Variants in NET1 observed in about 807,000 individuals in gnomAD.
The protein encoded by NET1 is neuroepithelial cell-transforming gene 1 protein.
A neutral mutation model predicts 61.1 loss-of-function variants in NET1; 42 were observed. That is an observed-to-expected ratio of 0.69 (90% CI 0.54 to 0.89). NET1 has a LOEUF of 0.89. Among genes scored for constraint, NET1 ranks in the 40% least tolerant of loss-of-function variants. The pLI is 0.00. For missense variants in NET1, 654 were observed against 747.3 expected (o/e 0.88, Z 1.46); for synonymous variants, 254 against 281.8 (o/e 0.90, Z 0.99).
chr10:5,429,820 A>T (rs1832320873), intron 3 of NET1, among the ~76,000 whole-genome samples: 1 of 152,198 alleles, frequency 6.6e-6, no homozygotes, highest in East Asian at 1.9e-4. Flanking sequence ...GGAATTACTA[A>T]CATCATTTTT....
rs371604395 is a variant in NET1 at position 5,455,117 on chromosome 10, A to T, written c.1196A>T (p.His399Leu). Residue 399 changes from histidine to leucine, a missense_variant and splice_region_variant, in exon 10 of 12, where the codon CAT becomes CTT. Coordinates refer to ENST00000355029, the MANE Select transcript of NET1 (RefSeq NM_001047160.3). The surrounding 1 kb of genome is among the most constrained non-coding windows in gnomAD (Gnocchi z 6.5). The stretch of plus-strand genomic sequence containing the variant: ...GGGGAGCTGCGGAGCAAGAGTGGAC[A>T]TGTAGGTGACTTTTGCTGCCGTGGC... Reference protein sequence around the residue: ...CHGELRSKSGHKLYIFLFQDI... With the variant: ...CHGELRSKSGLKLYIFLFQDI... 4.7e-5 allele frequency: 76 copies of T among 1,612,852 alleles called. No homozygotes were observed. Among genetic ancestry groups the T allele is most frequent in the Non-Finnish European group, 6.1e-5 (72 of 1,179,866 alleles).
intron 3 of NET1, among the ~76,000 whole-genome samples, chr10:5,436,487 C>T (rs773271058): frequency 5.3e-5 from 8 of 150,670 alleles, no homozygotes; most frequent in Non-Finnish European, 8.9e-5. Context: ...CCACCTGCCT[C>T]GGCCTCCCAA....
chr10:5,446,675 G>A lies in NET1; in HGVS notation c.256-5155G>A. ...GCTGCCGAGGGTGGCCGAGCTCTGG[G>A]AAGAAAAGCCCGTGTGCCTCTGCAT... On this transcript the variant is annotated intron_variant, in intron 3 of 11. Coordinates refer to ENST00000355029, the MANE Select transcript of NET1 (RefSeq NM_001047160.3). This position sits in a 1 kb window ranked among gnomAD's most constrained non-coding sequence, Gnocchi z 5.0. The A allele has an allele frequency of 5.2e-6, 7 of 1,356,686 alleles. No homozygotes were observed. Among genetic ancestry groups the A allele is most frequent in the East Asian group, 2.7e-5 (1 of 36,542 alleles). The allele number at this position is 1,356,686 out of a possible 1,614,324, so 84.0% of individuals were successfully genotyped here.
chr10:5,456,417 C>A lies in NET1; in HGVS notation c.1384+144C>A. 1 of 1,025,478 alleles carries A rather than the reference C, an allele frequency of 9.8e-7. No homozygotes were observed. The highest frequency in any genetic ancestry group is 1.4e-6 in the Non-Finnish European group (1 of 721,526). 63.5% of individuals were successfully genotyped at this position (1,025,478 alleles called of 1,614,324 possible). On this transcript the variant is annotated intron_variant, in intron 11 of 11. Coordinates refer to ENST00000355029, the MANE Select transcript of NET1 (RefSeq NM_001047160.3). This position sits in a 1 kb window ranked among gnomAD's most constrained non-coding sequence, Gnocchi z 7.0. Reference sequence around the variant, plus strand: ...CATTGAGTTGTCCAGGCCTTCCCAGCTCGAACACCCGCAGGTGTATCTAAG... The same window carrying A: ...CATTGAGTTGTCCAGGCCTTCCCAGATCGAACACCCGCAGGTGTATCTAAG...
rs1473222774 is a variant in NET1, at chr10:5,439,765, T to C, written c.255+10536T>C. On this transcript the variant is annotated intron_variant, in intron 3 of 11. Coordinates refer to ENST00000355029, the MANE Select transcript of NET1 (RefSeq NM_001047160.3). This position sits in a 1 kb window ranked among gnomAD's most constrained non-coding sequence, Gnocchi z 4.8. ...CCTTGCCAGAGCATCACACAGCATC[T>C]TTGTCTACCATAAATACCCAACCTT... 1.3e-5 allele frequency among the ~76,000 whole-genome samples: 2 copies of C among 152,242 alleles called. No individual in the cohort carries two copies. Among genetic ancestry groups the C allele is most frequent in the Non-Finnish European group, 2.9e-5 (2 of 68,048 alleles).
chr10:5,433,973 CCA>C (rs1832387001), intron 3 of NET1, among the ~76,000 whole-genome samples: 6 of 152,004 alleles, frequency 3.9e-5, no homozygotes, highest in Admixed American at 2.6e-4. Flanking sequence ...AATTCCTTCT[CCA>C]GTCACCTAAT....
At position 5,452,161 on chromosome 10, in the gene NET1, A is replaced by G. The variant is rs1000400325; in HGVS notation, c.364-197A>G. Among the ~76,000 whole-genome samples the G allele has an allele frequency of 1.5e-4, 23 of 152,214 alleles. No homozygotes were observed. The highest frequency in any genetic ancestry group is 5.5e-4 in the African/African-American group (23 of 41,456). ...CATCTTATAATGCATAGTCTTGGCTAGTTTTTATTCCCAAAAATGTAATTT... is the reference window on the plus strand; with the variant it reads ...CATCTTATAATGCATAGTCTTGGCTGGTTTTTATTCCCAAAAATGTAATTT... On this transcript the variant is annotated intron_variant, in intron 4 of 11. Coordinates refer to ENST00000355029, the MANE Select transcript of NET1 (RefSeq NM_001047160.3). This position sits in a 1 kb window ranked among gnomAD's most constrained non-coding sequence, Gnocchi z 4.0.
intron 1 of NET1, among the ~76,000 whole-genome samples, chr10:5,419,735 T>TG (rs200590048): frequency 2.2e-4 from 34 of 151,622 alleles, no homozygotes; most frequent in African/African-American, 6.8e-4. Context: ...TTGTTGTTGT[T>TG]TTTATGGGAA....
At chr10:5,414,254 G>A (rs1214310275) in intron 1 of NET1, among the ~76,000 whole-genome samples, 1 of 152,216 alleles carries the variant, frequency 6.6e-6, no homozygotes, top group East Asian at 1.9e-4. Flanking sequence ...AAGAGACCTT[G>A]TATGCCTTGA....
At chr10:5,448,388 G>A (rs1832651188) in intron 3 of NET1, among the ~76,000 whole-genome samples, 1 of 152,148 alleles carries the variant, frequency 6.6e-6, no homozygotes, top group African/African-American at 2.4e-5. Flanking sequence ...TATAGATGTC[G>A]AGAAATTTTT....
intron 1 of NET1, among the ~76,000 whole-genome samples, chr10:5,413,201 G>A (rs867945579): frequency 1.3e-5 from 2 of 152,140 alleles, no homozygotes; most frequent in African/African-American, 4.8e-5. Flanking sequence ...CTGTTTCTCA[G>A]GGGAGACTTA....
In NET1 at chr10:5,421,382, C is replaced by T. The variant is rs1368119520; in HGVS notation, c.129-5273C>T. On this transcript the variant is annotated intron_variant, in intron 1 of 11. Coordinates refer to ENST00000355029, the MANE Select transcript of NET1 (RefSeq NM_001047160.3). The surrounding 1 kb of genome is among the most constrained non-coding windows in gnomAD (Gnocchi z 4.2). ...CCTTTTTTGCAGATTTGAAATAATG[C>T]TGTCCATTGGTAGAAAAATAATAGT... Among the ~76,000 whole-genome samples, 1 of 152,164 alleles carries T rather than the reference C, an allele frequency of 6.6e-6. No homozygotes were observed. Among genetic ancestry groups the T allele is most frequent in the Non-Finnish European group, 1.5e-5 (1 of 68,020 alleles).
chr10:5,434,836 A>G (rs969506696), intron 3 of NET1, among the ~76,000 whole-genome samples: 1 of 151,632 alleles, frequency 6.6e-6, no homozygotes, highest in Non-Finnish European at 1.5e-5. Context: ...ACTGACATAC[A>G]CTAGTCACTG....
chr10:5,442,646 G>A (rs1222028706), intron 3 of NET1, among the ~76,000 whole-genome samples: 3 of 152,134 alleles, frequency 2.0e-5, no homozygotes, highest in Non-Finnish European at 4.4e-5. Context: ...TGTAATTCCA[G>A]CACTTTGGGA....
chr10:5,425,473 A>G (rs1055869947), intron 1 of NET1, among the ~76,000 whole-genome samples: 5 of 152,202 alleles, frequency 3.3e-5, no homozygotes, highest in Non-Finnish European at 7.4e-5. Context: ...AATAACTACC[A>G]TAACAATTGA....
At position 5,421,335 on chromosome 10, in the gene NET1, C is replaced by G. The variant is rs1832171646; in HGVS notation, c.129-5320C>G. Among the ~76,000 whole-genome samples, 5 of 152,134 alleles carry G rather than the reference C, an allele frequency of 3.3e-5. No homozygotes were observed. The South Asian group carries it at 1.0e-3, about 32-fold the overall frequency. ...GGCAGAAATATAAATACATACTGAT[C>G]CTTTTAAGGATTTTATATTTTCCTT... On this transcript the variant is annotated intron_variant, in intron 1 of 11. Coordinates refer to ENST00000355029, the MANE Select transcript of NET1 (RefSeq NM_001047160.3). This position sits in a 1 kb window ranked among gnomAD's most constrained non-coding sequence, Gnocchi z 4.2.
At position 5,454,866 on chromosome 10, in the gene NET1, C is replaced by A; in HGVS notation, c.1027-82C>A. 1 of 1,323,498 alleles carries A rather than the reference C, an allele frequency of 7.6e-7. No homozygotes were observed. Among genetic ancestry groups the A allele is most frequent in the South Asian group, 1.3e-5 (1 of 78,518 alleles). The allele number at this position is 1,323,498 out of a possible 1,614,324, so 82.0% of individuals were successfully genotyped here. The stretch of plus-strand genomic sequence containing the variant: ...CTTCAAGCTTTAAAGTTCTTCCATT[C>A]CATATGACATTTTTGCTCTGCAGGA... On this transcript the variant is annotated intron_variant, in intron 9 of 11. Transcript: ENST00000355029. The surrounding 1 kb of genome is among the most constrained non-coding windows in gnomAD (Gnocchi z 8.1).
Position 5,452,861 on chromosome 10 carries a change from A to T in NET1, c.535A>T (p.Ile179Leu). ...GATGTTTGCTGGATGTTTTTAGGCA[A>T]TATATGAAATGTCCCGAGGTGAACA... is the stretch of plus-strand genomic sequence containing the variant. ...TTREIRRQEA[I>L]YEMSRGEQDL... The change falls in exon 6 of 12, where the codon ATA (isoleucine) becomes TTA (leucine). Residue 179 changes from isoleucine to leucine, a missense_variant. Transcript: ENST00000355029. The surrounding 1 kb of genome is among the most constrained non-coding windows in gnomAD (Gnocchi z 4.0). 6.2e-7 allele frequency: 1 copy of T among 1,613,062 alleles called. No homozygotes were observed. The highest frequency in any genetic ancestry group is 8.5e-7 in the Non-Finnish European group (1 of 1,179,668).
Position 5,422,114 on chromosome 10 carries a change from G to A in NET1, c.129-4541G>A, listed in dbSNP as rs1287710824. On this transcript the variant is annotated intron_variant, in intron 1 of 11. Transcript: ENST00000355029. This position sits in a 1 kb window ranked among gnomAD's most constrained non-coding sequence, Gnocchi z 4.1. Reference sequence around the variant, plus strand: ...TCCCAGCACTTTGGGAGGCCGAGGCGGGTGGATCACCTGAGGTCAGGAGTT... The same window carrying A: ...TCCCAGCACTTTGGGAGGCCGAGGCAGGTGGATCACCTGAGGTCAGGAGTT... 1.3e-5 allele frequency among the ~76,000 whole-genome samples: 2 copies of A among 152,166 alleles called. No homozygotes were observed. The highest frequency in any genetic ancestry group is 4.8e-5 in the African/African-American group (2 of 41,432).
Sources: gnomAD v4.1 joint callset for allele counts (sites outside exome capture counted in the v4.1 genomes callset) on GRCh38, gnomAD v4.1.1 for gene constraint, Gnocchi (gnomAD v3.1) non-coding constraint, MANE v1.5 for transcripts, NCBI Gene and HGNC (gene_info 2026-07-23, HGNC 2026-07-21) for gene names.